Variants in GPC2 observed in about 807,000 individuals in gnomAD.
The protein encoded by GPC2 is glypican 2, also known as glypican-2.
A neutral mutation model predicts 57.3 loss-of-function variants in GPC2; 42 were observed. The ratio of observed to expected loss-of-function variants is 0.73; its 90% confidence interval spans 0.57 to 0.95. The LOEUF (loss-of-function observed/expected upper bound fraction) is 0.95. GPC2 is among the 40% of genes least tolerant of loss of function. The pLI, the probability that GPC2 is intolerant of heterozygous loss-of-function variation, is 0.00. For missense variants in GPC2, 745 were observed against 793.6 expected (o/e 0.94, Z 0.74); for synonymous variants, 364 against 343.4 (o/e 1.06, Z -0.66).
At chr7:100,173,582 T>C (rs765446016) in intron 5 of GPC2, 1 of 243,846 alleles carries the variant, frequency 4.1e-6, no homozygotes, top group Non-Finnish European at 7.7e-6. Flanking sequence ...GCCTGGCTGA[T>C]TTCTTTCTTT....
At chr7:100,173,773 A>C (rs1799224404) in intron 5 of GPC2, 62 bp downstream of exon 5, 1 of 1,342,674 alleles carries the variant, frequency 7.4e-7, no homozygotes. Context: ...AGCCTCTCAA[A>C]GTGCTGTGAT....
chr7:100,173,336 T>G (rs1799215054), intron 5 of GPC2: 1 of 152,450 alleles, frequency 6.6e-6, no homozygotes, highest in Non-Finnish European at 1.5e-5. Context: ...GGCATCATCA[T>G]AGCTTACTGC....
rs943208160 is a variant in GPC2, at chr7:100,171,274, G to A, written c.1473C>T (p.Asp491=). 16 of 1,534,792 alleles carry A rather than the reference G, an allele frequency of 1.0e-5. No homozygotes were observed. The highest frequency in any genetic ancestry group is 2.6e-5 in the East Asian group (1 of 37,920). Residue 491 remains aspartate, a synonymous_variant, in exon 9 of 10, where the codon GAC becomes GAT. Transcript: ENST00000292377. This position sits in a 1 kb window ranked among gnomAD's most constrained non-coding sequence, Gnocchi z 4.8. ...MKTAALGHDL[D]GQDADEDASG... ...CAGGGGTCTCACCCGCGTCCTGCCC[G>A]TCCAGGTCGTGTCCCAGTGCGGCCG...
chr7:100,174,504 G>A (rs1374079733), intron 4 of GPC2, 181 bp downstream of exon 4: 2 of 689,346 alleles, frequency 2.9e-6, no homozygotes, highest in African/African-American at 3.5e-5. Flanking sequence ...CATGGATCGT[G>A]GACCATTGGA....
chr7:100,175,881 C>T lies in GPC2; in HGVS notation c.339G>A (p.Glu113=), dbSNP rs765370380. The T allele has an allele frequency of 1.2e-6, 2 of 1,613,210 alleles. No homozygotes were observed. The highest frequency in any genetic ancestry group is 1.7e-6 in the Non-Finnish European group (2 of 1,179,368). ...GAGAGTGCTGGGCTACTGAGAGCAT[C>T]TCCAGAAAAAACTCTGCAGCAAATG... The part of the protein sequence containing the change: ...RHRKFDEFFL[E]MLSVAQHSLT... The change falls in exon 3 of 10, where the codon GAG becomes GAA. Residue 113 remains glutamate, a synonymous_variant. Coordinates refer to ENST00000292377, the MANE Select transcript of GPC2 (RefSeq NM_152742.3).
In GPC2 at chr7:100,170,420, A is replaced by C. The variant is rs760655243; in HGVS notation, c.1550T>G (p.Val517Gly). 1.7e-5 allele frequency: 27 copies of C among 1,607,372 alleles called. No individual in the cohort carries two copies. Among genetic ancestry groups the C allele is most frequent in the Middle Eastern group, 1.6e-4 (1 of 6,064 alleles). ...QYADDWMAGA[V>G]APPARPPRPP... is the part of the protein sequence containing the mutation. ...CCGAGGAGGCCGGGCTGGGGGAGCC[A>C]CAGCCCCAGCCATCCAGTCATCTGC... The change falls in exon 10 of 10, where the codon GTG (valine) becomes GGG (glycine). Residue 517 changes from valine (V) to glycine (G), a missense_variant. This residue lies in a region of GPC2 where 607 missense variants were observed against 603.9 expected (regional missense o/e 1.01). Transcript: ENST00000292377.
chr7:100,171,572 G>T lies in GPC2; in HGVS notation c.1277C>A (p.Ala426Glu). Residue 426 changes from alanine (A) to glutamate (E), a missense_variant, in exon 8 of 10, where the codon GCG becomes GAG. Coordinates refer to ENST00000292377, the MANE Select transcript of GPC2 (RefSeq NM_152742.3). The surrounding 1 kb of genome is among the most constrained non-coding windows in gnomAD (Gnocchi z 4.8). The stretch of plus-strand genomic sequence containing the variant: ...CCCGGCTCCGGTCCAGCAGGGCGCC[G>T]CCTCCAGCGAGGCGTCCGCTGCCAT... Reference protein sequence around the residue: ...SRMAADASLEAAPCWTGAGRG... With the variant: ...SRMAADASLEEAPCWTGAGRG... The T allele has an allele frequency of 6.7e-7, 1 of 1,498,120 alleles. No individual in the cohort carries two copies. The highest frequency in any genetic ancestry group is 8.8e-7 in the Non-Finnish European group (1 of 1,134,596). The allele number at this position is 1,498,120 out of a possible 1,614,324, so 92.8% of individuals were successfully genotyped here.
chr7:100,175,973 G>C (rs1799266866), intron 2 of GPC2, 79 bp from the exon 3 acceptor site: 1 of 1,174,898 alleles, frequency 8.5e-7, no homozygotes, highest in South Asian at 1.4e-5. Context: ...AGAGGCAGGA[G>C]GAGATGGGAG....
chr7:100,174,309 G>A (rs1799233214), intron 4 of GPC2: 1 of 521,066 alleles, frequency 1.9e-6, no homozygotes, highest in East Asian at 3.5e-5. Context: ...AGGTCAGGTA[G>A]AGGATGGGCA....
Position 100,171,874 on chromosome 7 carries a change from C to A in GPC2, c.1075G>T (p.Ala359Ser). ...PDPVPARNRR[A>S]PPPREEAGRL... The stretch of plus-strand genomic sequence containing the variant: ...CCCGCCTCTTCCCGGGGCGGCGGGG[C>A]TCGACGGTTGCGGGCAGGCACCGGG... Residue 359 changes from alanine (A) to serine (S), a missense_variant, in exon 7 of 10, where the codon GCC becomes TCC. Ala to Ser is a moderately conservative substitution (Grantham distance 99). Transcript: ENST00000292377. The surrounding 1 kb of genome is among the most constrained non-coding windows in gnomAD (Gnocchi z 4.8). 1 of 1,532,656 alleles carries A rather than the reference C, an allele frequency of 6.5e-7. No individual in the cohort carries two copies. The highest frequency in any genetic ancestry group is 8.7e-7 in the Non-Finnish European group (1 of 1,147,584). 94.9% of individuals were successfully genotyped at this position (1,532,656 alleles called of 1,614,324 possible). A position where few individuals can be genotyped will look rare whatever the true frequency, so the allele number is the denominator to read the frequency against.
rs368622118 is a variant in GPC2, at chr7:100,171,160, A to T, written c.1486+101T>A. 7 of 1,033,232 alleles carry T rather than the reference A, an allele frequency of 6.8e-6. No individual in the cohort carries two copies. The highest frequency in any genetic ancestry group is 9.4e-6 in the Non-Finnish European group (7 of 743,242). The allele number at this position is 1,033,232 out of a possible 1,614,324, so 64.0% of individuals were successfully genotyped here. A position where few individuals can be genotyped will look rare whatever the true frequency, so the allele number is the denominator to read the frequency against. On this transcript the variant is annotated intron_variant, in intron 9 of 9. Coordinates refer to ENST00000292377, the MANE Select transcript of GPC2 (RefSeq NM_152742.3). The surrounding 1 kb of genome is among the most constrained non-coding windows in gnomAD (Gnocchi z 4.8). ...CGTTGAATGAATTAGTGAATTAATC[A>T]ATGAACGCTAAGAGCAGAGGCACGG... is the stretch of plus-strand genomic sequence containing the variant.
At chr7:100,175,531 A>G (rs1342289814) in intron 3 of GPC2, 41 bp downstream of exon 3, 5 of 1,504,564 alleles carry the variant, frequency 3.3e-6, no homozygotes, top group Non-Finnish European at 3.6e-6. Context: ...AGGGGTCACT[A>G]GGTCAGAAGT....
intron 4 of GPC2, 118 bp downstream of exon 4, chr7:100,174,567 G>T (rs746119712): frequency 2.6e-6 from 2 of 756,874 alleles, no homozygotes; most frequent in Non-Finnish European, 4.7e-6. Flanking sequence ...CCAGGGCCTG[G>T]AGGCAGACAG....
chr7:100,172,172 A>C lies in GPC2; in HGVS notation c.938T>G (p.Phe313Cys). Residue 313 changes from phenylalanine (F) to cysteine (C), a missense_variant, in exon 6 of 10, where the codon TTT becomes TGT. Coordinates refer to ENST00000292377, the MANE Select transcript of GPC2 (RefSeq NM_152742.3). ...LADKLQGPFS[F>C]ELTAESIGVK... The stretch of plus-strand genomic sequence containing the variant: ...CCCAATGGACTCGGCCGTCAGCTCA[A>C]AGGAAAAGGGGCCCTGGAGCTTATC... 1 of 1,613,900 alleles carries C rather than the reference A, an allele frequency of 6.2e-7. No homozygotes were observed. Among genetic ancestry groups the C allele is most frequent in the South Asian group, 1.1e-5 (1 of 91,064 alleles).
Position 100,170,439 on chromosome 7 carries a change from C to G in GPC2, c.1531G>C (p.Asp511His). 1 of 1,603,464 alleles carries G rather than the reference C, an allele frequency of 6.2e-7. No individual in the cohort carries two copies. The highest frequency in any genetic ancestry group is 1.1e-5 in the South Asian group (1 of 89,308). ...GSGGGQQYAD[D>H]WMAGAVAPPA... ...GGAGCCACAGCCCCAGCCATCCAGT[C>G]ATCTGCATACTGCTGTCCCCCTCCA... Residue 511 changes from aspartate (D) to histidine (H), a missense_variant, in exon 10 of 10, where the codon GAC (aspartate) becomes CAC (histidine). Transcript: ENST00000292377.
chr7:100,171,961 T>TG lies in GPC2; in HGVS notation c.1024-37dup, dbSNP rs771992653. 13 of 1,544,786 alleles carry TG rather than the reference T, an allele frequency of 8.4e-6. No individual in the cohort carries two copies. The South Asian group carries it at 9.8e-5, about 12-fold the overall frequency. ...GGGAAGAGACCTCACACAGTCACCCTGGGGGGAAACCACACTGCGTCCCCA... is the reference window on the plus strand; with the variant it reads ...GGGAAGAGACCTCACACAGTCACCCTGGGGGGGAAACCACACTGCGTCCCCA... On this transcript the variant is annotated intron_variant, in intron 6 of 9. Transcript: ENST00000292377. This position sits in a 1 kb window ranked among gnomAD's most constrained non-coding sequence, Gnocchi z 4.8.
At chr7:100,174,270 G>A in intron 4 of GPC2, 1 of 519,500 alleles carries the variant, frequency 1.9e-6, no homozygotes, top group Non-Finnish European at 3.4e-6. Flanking sequence ...GAGGGAGGAG[G>A]CGGTCAGGAG....
In GPC2 at chr7:100,175,792, C is replaced by T. The variant is rs1347042936; in HGVS notation, c.428G>A (p.Gly143Asp). Residue 143 changes from glycine to aspartate, a missense_variant, in exon 3 of 10, where the codon GGC (glycine) becomes GAC (aspartate). Around this residue, in one of 2 missense-constraint regions of GPC2, gnomAD observed 138 missense variants for 189.8 expected, o/e 0.73. Coordinates refer to ENST00000292377, the MANE Select transcript of GPC2 (RefSeq NM_152742.3). ...GAAGTCTCGCAGCCGAGAGAACAGGCCATTGAATATGAGGGCGTGCTGGGC... is the reference window on the plus strand; with the variant it reads ...GAAGTCTCGCAGCCGAGAGAACAGGTCATTGAATATGAGGGCGTGCTGGGC... ...LYAQHALIFN[G>D]LFSRLRDFYG... 1 of 1,614,012 alleles carries T rather than the reference C, an allele frequency of 6.2e-7. No individual in the cohort carries two copies. The highest frequency in any genetic ancestry group is 1.1e-5 in the South Asian group (1 of 91,080).
At position 100,171,466 on chromosome 7, in the gene GPC2, C is replaced by T. The variant is rs1799175385; in HGVS notation, c.1311-30G>A. The T allele has an allele frequency of 4.4e-6, 6 of 1,356,690 alleles. No individual in the cohort carries two copies. The highest frequency in any genetic ancestry group is 5.7e-6 in the Non-Finnish European group (6 of 1,059,556). The allele number at this position is 1,356,690 out of a possible 1,614,324, so 84.0% of individuals were successfully genotyped here. A position where few individuals can be genotyped will look rare whatever the true frequency, so the allele number is the denominator to read the frequency against. On this transcript the variant is annotated intron_variant, in intron 8 of 9. Transcript: ENST00000292377. The surrounding 1 kb of genome is among the most constrained non-coding windows in gnomAD (Gnocchi z 4.8). ...GAGCAGAGCAGCCCCGAAGCGCCAG[C>T]TAGCGCGCGCGGCCCCGCCCCTCCC...
Sources: gnomAD v4.1 joint callset for allele counts on GRCh38, gnomAD v4.1.1 for gene constraint, gnomAD v4.1.1 regional missense constraint, Gnocchi (gnomAD v3.1) non-coding constraint, MANE v1.5 for transcripts, NCBI Gene and HGNC (gene_info 2026-07-23, HGNC 2026-07-21) for gene names.